RBBP5: variants seen among roughly 807,000 people sequenced by gnomAD.
RBBP5 encodes retinoblastoma-binding protein 5.
A neutral mutation model predicts 72.2 loss-of-function variants in RBBP5; 5 were observed. The observed-to-expected ratio is 0.07, with a 90% CI of 0.04 to 0.15. The LOEUF (loss-of-function observed/expected upper bound fraction) is 0.15. Ranked by LOEUF, RBBP5 falls within the 10% of genes least tolerant of loss-of-function variation. RBBP5 has a pLI of 1.00. For synonymous variants in RBBP5, 209 were observed against 237.2 expected (o/e 0.88, Z 1.09); for missense variants, 322 against 652.2 (o/e 0.49, Z 5.51).
intron 13 of RBBP5, 86 bp downstream of exon 13, chr1:205,094,786 GA>G (rs561301648): frequency 1.2e-5 from 16 of 1,355,600 alleles, no homozygotes; most frequent in African/African-American, 1.5e-5. Context: ...AAGAGAGGGG[GA>G]AAAAATGTTG....
intron 13 of RBBP5, among the ~76,000 whole-genome samples, chr1:205,094,413 C>T (rs1002355304): frequency 6.6e-5 from 10 of 152,152 alleles, no homozygotes; most frequent in Admixed American, 2.6e-4. Flanking sequence ...GAAAAGATGC[C>T]ACAGTGAACC....
chr1:205,091,162 GA>G (rs1655334040), intron 13 of RBBP5: 3 of 152,242 alleles, frequency 2.0e-5, no homozygotes, highest in African/African-American at 4.8e-5. Context: ...GAGGCCTTTA[GA>G]ACGTGTATGT....
intron 3 of RBBP5, among the ~76,000 whole-genome samples, chr1:205,106,903 C>G (rs545605803): frequency 6.6e-6 from 1 of 151,666 alleles, no homozygotes; most frequent in East Asian, 1.9e-4. Flanking sequence ...AATTTTAGAA[C>G]TGAAAAATAT....
rs376166316 is a variant in RBBP5 at position 205,099,876 on chromosome 1, T to C, written c.906+35A>G. 1.4e-5 allele frequency: 22 copies of C among 1,613,628 alleles called. No homozygotes were observed. The African/African-American group carries it at 1.5e-4, about 11-fold the overall frequency. The stretch of plus-strand genomic sequence containing the variant: ...AACAGATTTTAGATTTTTTGGATTA[T>C]GTGACTAACAAAAGCAATGTCCTAA... On this transcript the variant is annotated intron_variant, in intron 8 of 13. Transcript: ENST00000264515. The surrounding 1 kb of genome is among the most constrained non-coding windows in gnomAD (Gnocchi z 4.7).
chr1:205,102,871 T>C (rs1252477238), intron 5 of RBBP5, among the ~76,000 whole-genome samples: 1 of 151,518 alleles, frequency 6.6e-6, no homozygotes, highest in African/African-American at 2.4e-5. Context: ...TGAATGCCTG[T>C]AATCCCAGCT....
At chr1:205,104,414 T>C (rs572626117) in intron 4 of RBBP5, among the ~76,000 whole-genome samples, 1 of 151,868 alleles carries the variant, frequency 6.6e-6, no homozygotes, top group African/African-American at 2.4e-5. Context: ...TCCCAGCTAC[T>C]TGGGAGGCCG....
chr1:205,121,924 C>A lies in RBBP5; in HGVS notation c.-51G>T. The A allele has an allele frequency of 6.2e-7, 1 of 1,605,630 alleles. No homozygotes were observed. The highest frequency in any genetic ancestry group is 8.5e-7 in the Non-Finnish European group (1 of 1,179,730). On this transcript the variant is annotated 5_prime_UTR_variant, in exon 1 of 14. Transcript: ENST00000264515. ...TCAGCTCCGGCAACAACACCTTCTC[C>A]CCGGCCGGCTTCAGCAACTTGCGTC...
chr1:205,109,401 C>T (rs1185767035), intron 3 of RBBP5, among the ~76,000 whole-genome samples: 2 of 151,896 alleles, frequency 1.3e-5, no homozygotes, highest in African/African-American at 4.8e-5. Context: ...AAGAAATAGC[C>T]CCCAAAAATA....
chr1:205,099,041 C>T lies in RBBP5; in HGVS notation c.1044G>A (p.Arg348=), dbSNP rs143332925. 1 of 1,611,588 alleles carries T rather than the reference C, an allele frequency of 6.2e-7. No individual in the cohort carries two copies. The highest frequency in any genetic ancestry group is 8.5e-7 in the Non-Finnish European group (1 of 1,179,214). Residue 348 remains arginine, a synonymous_variant, in exon 10 of 14, where the codon AGG becomes AGA. Transcript: ENST00000264515. This position sits in a 1 kb window ranked among gnomAD's most constrained non-coding sequence, Gnocchi z 4.7. ...ELDENVEYEE[R]ESEFDIEDED... The stretch of plus-strand genomic sequence containing the variant: ...CATCTTCAATATCAAACTCTGATTC[C>T]CTTTCTTCGTATTCTACATTTTCAT...
chr1:205,088,760 A>T lies in RBBP5; in HGVS notation c.*27T>A. 1 of 1,580,794 alleles carries T rather than the reference A, an allele frequency of 6.3e-7. No individual in the cohort carries two copies. Among genetic ancestry groups the T allele is most frequent in the Non-Finnish European group, 8.6e-7 (1 of 1,156,330 alleles). ...CCAGAGGCCACATGATGGCAAAGTG[A>T]GAAAGAATGAAGAACTTCGAAGGTC... On this transcript the variant is annotated 3_prime_UTR_variant, in exon 14 of 14. Transcript: ENST00000264515.
At chr1:205,109,604 A>T (rs1288092671) in intron 3 of RBBP5, among the ~76,000 whole-genome samples, 1 of 152,094 alleles carries the variant, frequency 6.6e-6, no homozygotes, top group South Asian at 2.1e-4. Context: ...ACCTACTGCT[A>T]CTGCACTATA....
chr1:205,096,265 C>T (rs1290653809), intron 12 of RBBP5, among the ~76,000 whole-genome samples: 1 of 151,990 alleles, frequency 6.6e-6, no homozygotes, highest in Non-Finnish European at 1.5e-5. Context: ...GGTAAACACA[C>T]ACCCCCATCC....
intron 2 of RBBP5, among the ~76,000 whole-genome samples, chr1:205,115,172 A>T (rs1322021205): frequency 6.6e-6 from 1 of 152,244 alleles, no homozygotes; most frequent in East Asian, 1.9e-4. Flanking sequence ...AACAGATGTG[A>T]TCAATCCCTT....
At position 205,096,883 on chromosome 1, in the gene RBBP5, G is replaced by C. The variant is rs764045151; in HGVS notation, c.1195C>G (p.Leu399Val). Reference protein sequence around the residue: ...SDEELEDSKALLYLPIAPEVE... With the variant: ...SDEELEDSKAVLYLPIAPEVE... ...TCAGGGGCAATGGGTAAATACAATAGAGCCTTTGAATCTTCCAGCTCTTCA... is the reference window on the plus strand; with the variant it reads ...TCAGGGGCAATGGGTAAATACAATACAGCCTTTGAATCTTCCAGCTCTTCA... The change falls in exon 12 of 14, where the codon CTA becomes GTA. Residue 399 changes from leucine to valine, a missense_variant. Leu to Val is a conservative substitution (Grantham distance 32). Coordinates refer to ENST00000264515, the MANE Select transcript of RBBP5 (RefSeq NM_005057.4). The C allele has an allele frequency of 2.5e-6, 4 of 1,606,968 alleles. No individual in the cohort carries two copies. Among genetic ancestry groups the C allele is most frequent in the African/African-American group, 1.3e-5 (1 of 74,460 alleles).
rs1318262856 is a variant in RBBP5 at position 205,099,554 on chromosome 1, C to G, written c.978+187G>C. 6.6e-6 allele frequency among the ~76,000 whole-genome samples: 1 copy of G among 152,008 alleles called. No individual in the cohort carries two copies. The highest frequency in any genetic ancestry group is 1.5e-5 in the Non-Finnish European group (1 of 67,966). Reference sequence around the variant, plus strand: ...TTTCTCCCTGAAAAGAGCCAGAAAACCAACTTGGGACCAAGACCTTCCCAC... The same window carrying G: ...TTTCTCCCTGAAAAGAGCCAGAAAAGCAACTTGGGACCAAGACCTTCCCAC... On this transcript the variant is annotated intron_variant, in intron 9 of 13. Coordinates refer to ENST00000264515, the MANE Select transcript of RBBP5 (RefSeq NM_005057.4). This position sits in a 1 kb window ranked among gnomAD's most constrained non-coding sequence, Gnocchi z 4.7.
Position 205,116,746 on chromosome 1 carries a change from G to A in RBBP5, c.20-863C>T, listed in dbSNP as rs568683719. 3.3e-5 allele frequency among the ~76,000 whole-genome samples: 5 copies of A among 152,262 alleles called. No homozygotes were observed. The South Asian group carries it at 6.2e-4, about 19-fold the overall frequency. On this transcript the variant is annotated intron_variant, in intron 1 of 13. Transcript: ENST00000264515. ...GGAGAATCACTTGAACCTGGGAGACGGAGGTTGCAGTGAGCTGAGATCGTG... is the reference window on the plus strand; with the variant it reads ...GGAGAATCACTTGAACCTGGGAGACAGAGGTTGCAGTGAGCTGAGATCGTG...
rs1430252414 is a variant in RBBP5 at position 205,100,084 on chromosome 1, C to G, written c.753-20G>C. The G allele has an allele frequency of 6.2e-7, 1 of 1,613,538 alleles. No homozygotes were observed. Among genetic ancestry groups the G allele is most frequent in the Admixed American group, 1.7e-5 (1 of 60,002 alleles). ...GGGGTCCTAAAGGACAAGGAAAGTA[C>G]CAAGGAGAGCTGGAACTCAAGCCCA... On this transcript the variant is annotated intron_variant, in intron 7 of 13. Coordinates refer to ENST00000264515, the MANE Select transcript of RBBP5 (RefSeq NM_005057.4).
chr1:205,102,563 A>C (rs1347791141), intron 5 of RBBP5, among the ~76,000 whole-genome samples: 5 of 152,210 alleles, frequency 3.3e-5, no homozygotes. Flanking sequence ...TTTTACAAGA[A>C]GAAAAGATTT....
intron 3 of RBBP5, among the ~76,000 whole-genome samples, chr1:205,108,070 C>T (rs983536545): frequency 4.6e-5 from 7 of 151,778 alleles, no homozygotes; most frequent in Non-Finnish European, 7.4e-5. Context: ...TGGTGAAACC[C>T]GGTCTCTACT....
Sources: gnomAD v4.1 joint callset for allele counts (sites outside exome capture counted in the v4.1 genomes callset) on GRCh38, gnomAD v4.1.1 for gene constraint, Gnocchi (gnomAD v3.1) non-coding constraint, MANE v1.5 for transcripts, NCBI Gene and HGNC (gene_info 2026-07-23, HGNC 2026-07-21) for gene names.